UTRN: variants seen among roughly 807,000 people sequenced by gnomAD.
UTRN encodes the protein dystrophin-related protein 1.
UTRN carries 283 observed loss-of-function variants against 463.9 expected under a neutral mutation model. The ratio of observed to expected loss-of-function variants is 0.61; its 90% CI spans 0.55 to 0.67. The LOEUF (loss-of-function observed/expected upper bound fraction) is 0.67. UTRN is among the 30% of genes least tolerant of loss of function. The pLI is 0.00. For missense variants in UTRN, 3,922 were observed against 4,084.3 expected, an observed-to-expected ratio of 0.96 and a Z score of 1.08; for synonymous variants, 1,442 against 1,431.5, an observed-to-expected ratio of 1.01 and a Z score of -0.17.
intron 34 of UTRN, among the ~76,000 whole-genome samples, chr6:144,503,568 G>A (rs967857436): frequency 4.6e-5 from 7 of 152,038 alleles, no homozygotes; most frequent in Non-Finnish European, 8.8e-5. Flanking sequence ...ATAGATGTGT[G>A]GTGTTATTTC....
chr6:144,700,512 T>C (rs1012157161), intron 53 of UTRN, among the ~76,000 whole-genome samples: 5 of 152,192 alleles, frequency 3.3e-5, no homozygotes, highest in African/African-American at 1.2e-4. Context: ...TATCTAAATT[T>C]CTAATAGGTT....
intron 33 of UTRN, among the ~76,000 whole-genome samples, chr6:144,495,648 G>C (rs1793570327): frequency 6.6e-6 from 1 of 152,264 alleles, no homozygotes; most frequent in Admixed American, 6.5e-5. Flanking sequence ...AGCCCAGGCA[G>C]AGGAGGCGCC....
chr6:144,533,003 T>C (rs1797200655), intron 42 of UTRN, 82 bp from the exon 43 acceptor site: 1 of 676,672 alleles, frequency 1.5e-6, no homozygotes, highest in Non-Finnish European at 2.4e-6. Flanking sequence ...CTTAAATTGA[T>C]ACCACAATAC....
chr6:144,545,836 A>G (rs1472934013), intron 46 of UTRN, among the ~76,000 whole-genome samples: 1 of 152,206 alleles, frequency 6.6e-6, no homozygotes, highest in Non-Finnish European at 1.5e-5. Context: ...CCTGGCCAAC[A>G]TGGTGAAACT....
At chr6:144,669,626 G>A (rs1780785937) in intron 51 of UTRN, among the ~76,000 whole-genome samples, 1 of 152,168 alleles carries the variant, frequency 6.6e-6, no homozygotes, top group Admixed American at 6.6e-5. Flanking sequence ...AACAGGTGAT[G>A]TTTGGTTACA....
rs1360297407 is a variant in UTRN, at chr6:144,539,435, T to C, written c.6511T>C (p.Trp2171Arg). ...SESLRTVNMTWNKICREVPTT... is the reference protein window; with the variant it reads ...SESLRTVNMTRNKICREVPTT... ...AAGCTTAAGGACTGTAAATATGACA[T>C]GGAATAAGGTGTGTGTAAAGTTACT... The change falls in exon 45 of 75, where the codon TGG becomes CGG. Residue 2171 changes from tryptophan (W) to arginine (R), a missense_variant. Physicochemically the swap from Trp to Arg is moderately radical, Grantham distance 101. Around this residue, in one of 3 missense-constraint regions of UTRN, gnomAD observed 2,349 missense variants for 2,303.8 expected, o/e 1.02. Coordinates refer to ENST00000367545, the MANE Select transcript of UTRN (RefSeq NM_007124.3). The C allele has an allele frequency of 6.3e-7, 1 of 1,596,892 alleles. No homozygotes were observed. Among genetic ancestry groups the C allele is most frequent in the South Asian group, 1.1e-5 (1 of 87,566 alleles).
chr6:144,472,640 A>C (rs1223112214), intron 23 of UTRN, among the ~76,000 whole-genome samples: 1 of 152,190 alleles, frequency 6.6e-6, no homozygotes, highest in Non-Finnish European at 1.5e-5. Flanking sequence ...TACAGACATC[A>C]TGGAAGGAAT....
At chr6:144,328,080 C>T (rs1776089110) in intron 2 of UTRN, among the ~76,000 whole-genome samples, 1 of 151,996 alleles carries the variant, frequency 6.6e-6, no homozygotes, top group Non-Finnish European at 1.5e-5. Context: ...ATTCCGCAAC[C>T]CCACCTGTCT....
intron 23 of UTRN, among the ~76,000 whole-genome samples, chr6:144,466,835 A>G (rs1212173933): frequency 2.0e-5 from 3 of 152,218 alleles, no homozygotes; most frequent in African/African-American, 7.2e-5. Flanking sequence ...CCCAAGGCAC[A>G]CACAAAACTG....
rs555931451 is a variant in UTRN at position 144,436,031 on chromosome 6, T to C, written c.952T>C (p.Leu318=). ...GGATCTGGACAGCTATCAGATTGCG[T>C]TGGAGGAAGTGCTGACCTGGTTGCT... ...DMDLDSYQIA[L]EEVLTWLLSA... is the part of the protein sequence containing the mutation. The change falls in exon 10 of 75, where the codon TTG becomes CTG. Residue 318 remains leucine (L), a synonymous_variant. Coordinates refer to ENST00000367545, the MANE Select transcript of UTRN (RefSeq NM_007124.3). 3.7e-6 allele frequency: 6 copies of C among 1,614,196 alleles called. No homozygotes were observed. The South Asian group carries it at 5.5e-5, about 15-fold the overall frequency.
intron 51 of UTRN, among the ~76,000 whole-genome samples, chr6:144,594,713 T>G (rs1192967009): frequency 1.3e-5 from 2 of 152,186 alleles, no homozygotes; most frequent in Non-Finnish European, 2.9e-5. Flanking sequence ...CACTATAATC[T>G]AATTTTAGAG....
chr6:144,811,146 AAC>A (rs369867502), intron 65 of UTRN, among the ~76,000 whole-genome samples: 3 of 151,992 alleles, frequency 2.0e-5, no homozygotes, highest in Non-Finnish European at 4.4e-5. Flanking sequence ...GCAAAAATAA[AAC>A]ACACACACAC....
chr6:144,549,138 T>A (rs561532692), intron 47 of UTRN, among the ~76,000 whole-genome samples: 1 of 152,358 alleles, frequency 6.6e-6, no homozygotes, highest in East Asian at 1.9e-4. Context: ...AAATATAAGC[T>A]GGCGTTAGCA....
intron 2 of UTRN, among the ~76,000 whole-genome samples, chr6:144,320,222 A>G (rs2982239): frequency 0.11 from 16,780 of 152,276 alleles, 925 homozygotes; most frequent in African/African-American, 0.13. Flanking sequence ...GTGTCTTAAC[A>G]GATCGTTATA....
intron 61 of UTRN, among the ~76,000 whole-genome samples, chr6:144,782,849 G>T (rs983210001): frequency 2.0e-5 from 3 of 151,956 alleles, no homozygotes; most frequent in African/African-American, 7.2e-5. Context: ...TGAAACATTA[G>T]GAATTACTCA....
intron 34 of UTRN, among the ~76,000 whole-genome samples, chr6:144,509,697 A>G (rs1398730895): frequency 6.6e-6 from 1 of 152,184 alleles, no homozygotes; most frequent in Non-Finnish European, 1.5e-5. Context: ...AAGATTATGT[A>G]AAATTATTTT....
intron 51 of UTRN, among the ~76,000 whole-genome samples, chr6:144,586,026 G>T (rs1206391369): frequency 6.6e-6 from 1 of 152,004 alleles, no homozygotes; most frequent in Admixed American, 6.6e-5. Flanking sequence ...TCCTCTTGAG[G>T]ATCATTCTTT....
intron 2 of UTRN, among the ~76,000 whole-genome samples, chr6:144,322,486 T>C (rs953406517): frequency 6.6e-6 from 1 of 152,198 alleles, no homozygotes; most frequent in Admixed American, 6.5e-5. Flanking sequence ...GGAATTTATT[T>C]TGACCAGCAA....
chr6:144,768,602 G>A (rs763719553), intron 58 of UTRN, among the ~76,000 whole-genome samples: 14 of 152,152 alleles, frequency 9.2e-5, no homozygotes, highest in African/African-American at 3.1e-4. Context: ...AGTGAGATTA[G>A]GGATGCTAAA....
Sources: allele counts gnomAD v4.1 joint callset (sites outside exome capture counted in the v4.1 genomes callset), GRCh38; gene constraint gnomAD v4.1.1; regional missense constraint gnomAD v4.1.1; transcripts MANE v1.5; gene names NCBI Gene and HGNC (gene_info 2026-07-23, HGNC 2026-07-21).